ENOX1: variants seen among roughly 807,000 people sequenced by gnomAD.
ENOX1 encodes ecto-NOX disulfide-thiol exchanger 1.
A neutral mutation model predicts 82.5 loss-of-function variants in ENOX1; 42 were observed. The observed-to-expected ratio is 0.51, with a 90% CI of 0.40 to 0.66. The LOEUF (loss-of-function observed/expected upper bound fraction) is 0.66, where lower values mean the gene tolerates loss of function less well. ENOX1 is among the 30% of genes least tolerant of loss of function. The probability of loss-of-function intolerance (pLI) is 0.00; values close to 1 mark genes in which losing one functional copy is unlikely to be tolerated. For synonymous variants in ENOX1, 271 were observed against 282.2 expected (o/e 0.96, Z 0.40); for missense variants, 608 against 811.6 (o/e 0.75, Z 3.05).
chr13:43,630,860 T>TATATATATACACAC (rs34023929), intron 2 of ENOX1, among the ~76,000 whole-genome samples: 82 of 147,792 alleles, frequency 5.5e-4, no homozygotes, highest in South Asian at 2.8e-3. Context: ...TATATATATA[T>TATATATATACACAC]ACACACACAC....
At position 43,324,181 on chromosome 13, in the gene ENOX1, T is replaced by C. The variant is rs928037439; in HGVS notation, c.1144-1680A>G. ...TTTTAGGCTGTGGACAGCTAATTTT[T>C]CTACTGACAAAGAGCCCAATTCCCA... On this transcript the variant is annotated intron_variant, in intron 10 of 16. Transcript: ENST00000690772. 3.3e-5 allele frequency among the ~76,000 whole-genome samples: 5 copies of C among 152,356 alleles called. No homozygotes were observed. The East Asian group carries it at 7.7e-4, about 23-fold the overall frequency.
At chr13:43,516,946 C>G (rs1438711244) in intron 2 of ENOX1, among the ~76,000 whole-genome samples, 1 of 152,104 alleles carries the variant, frequency 6.6e-6, no homozygotes, top group Non-Finnish European at 1.5e-5. Context: ...AGTTTTCTGT[C>G]ACATCAAAGA....
At chr13:43,749,851 G>A (rs765416938) in intron 1 of ENOX1, among the ~76,000 whole-genome samples, 7 of 152,100 alleles carry the variant, frequency 4.6e-5, no homozygotes, top group East Asian at 1.9e-4. Flanking sequence ...TTTTACTTAT[G>A]AGCTTTAAGA....
At chr13:43,541,173 G>GTTTTGTTTTTTTTTTTTTT (rs2078697163) in intron 2 of ENOX1, among the ~76,000 whole-genome samples, 1 of 64,574 alleles carries the variant, frequency 1.5e-5, no homozygotes, top group Non-Finnish European at 3.2e-5. Context: ...TCTTCCCTCT[G>GTTTTGTTTTTTTTTTTTTT]TTTTTTTTTT....
At chr13:43,462,179 A>C (rs1302162748) in intron 3 of ENOX1, among the ~76,000 whole-genome samples, 2 of 152,224 alleles carry the variant, frequency 1.3e-5, no homozygotes, top group African/African-American at 4.8e-5. Flanking sequence ...TCATGTAAAA[A>C]GTACATGTTA....
At chr13:43,486,656 C>T (rs1426755634) in intron 2 of ENOX1, among the ~76,000 whole-genome samples, 1 of 152,066 alleles carries the variant, frequency 6.6e-6, no homozygotes, top group Admixed American at 6.6e-5. Flanking sequence ...AAGGTGGTAC[C>T]AGTAGGTGTT....
chr13:43,454,756 C>G (rs2153633316), intron 3 of ENOX1, among the ~76,000 whole-genome samples: 1 of 151,854 alleles, frequency 6.6e-6, no homozygotes, highest in East Asian at 1.9e-4. Flanking sequence ...CTGGTGTTGT[C>G]TTTTATTTTG....
rs1215019461 is a variant in ENOX1 at position 43,330,280 on chromosome 13, T to C, written c.1037-3755A>G. Among the ~76,000 whole-genome samples, 5 of 152,186 alleles carry C rather than the reference T, an allele frequency of 3.3e-5. No homozygotes were observed. The South Asian group carries it at 8.3e-4, about 25-fold the overall frequency. On this transcript the variant is annotated intron_variant, in intron 9 of 16. Transcript: ENST00000690772. Reference sequence around the variant, plus strand: ...GTTCAAAGCAAGTAGCTTATAGAAGTTGTGCTGCAGGCAGAACAAATTGAG... The same window carrying C: ...GTTCAAAGCAAGTAGCTTATAGAAGCTGTGCTGCAGGCAGAACAAATTGAG...
intron 2 of ENOX1, among the ~76,000 whole-genome samples, chr13:43,606,631 T>C (rs1030592710): frequency 1.3e-5 from 2 of 152,068 alleles, no homozygotes; most frequent in African/African-American, 4.8e-5. Context: ...AGTAGAACAA[T>C]GATCACCAGA....
chr13:43,711,773 T>C (rs1381854677), intron 1 of ENOX1, among the ~76,000 whole-genome samples: 3 of 151,496 alleles, frequency 2.0e-5, no homozygotes, highest in African/African-American at 7.3e-5. Flanking sequence ...GGGTTGTTTG[T>C]TTTTTTCTTG....
At chr13:43,602,141 G>C (rs2081751802) in intron 2 of ENOX1, among the ~76,000 whole-genome samples, 1 of 151,906 alleles carries the variant, frequency 6.6e-6, no homozygotes, top group Admixed American at 6.6e-5. Context: ...GTAAGCATAA[G>C]AGCAAAGAAA....
At position 43,441,306 on chromosome 13, in the gene ENOX1, C is replaced by T. The variant is rs2056343269; in HGVS notation, c.-74-28318G>A. On this transcript the variant is annotated intron_variant, in intron 3 of 16. Coordinates refer to ENST00000690772, the MANE Select transcript of ENOX1 (RefSeq NM_001347969.2). The stretch of plus-strand genomic sequence containing the variant: ...AAAATTCCTTATTAACTAATGACTC[C>T]AGTTAACTGATTGAAATTACATTCT... Among the ~76,000 whole-genome samples, 3 of 152,264 alleles carry T rather than the reference C, an allele frequency of 2.0e-5. No individual in the cohort carries two copies. In the South Asian group the frequency reaches 6.2e-4, roughly 32 times the overall value.
At chr13:43,467,515 T>TTTTAAAA (rs1274166487) in intron 3 of ENOX1, among the ~76,000 whole-genome samples, 7 of 123,390 alleles carry the variant, frequency 5.7e-5, no homozygotes, top group Non-Finnish European at 9.3e-5. Flanking sequence ...TATTTTAAAA[T>TTTTAAAA]TTTAAAATTT....
At chr13:43,553,548 T>C (rs1258040180) in intron 2 of ENOX1, among the ~76,000 whole-genome samples, 1 of 152,212 alleles carries the variant, frequency 6.6e-6, no homozygotes, top group Admixed American at 6.5e-5. Flanking sequence ...TTTGCTTTGG[T>C]TTCTGGTTTT....
intron 1 of ENOX1, among the ~76,000 whole-genome samples, chr13:43,728,367 G>GA (rs2089120238): frequency 6.6e-6 from 1 of 152,146 alleles, no homozygotes; most frequent in African/African-American, 2.4e-5. Context: ...TTTGAGGGGA[G>GA]AAAAAACCAT....
intron 1 of ENOX1, among the ~76,000 whole-genome samples, chr13:43,694,134 A>T (rs1345975157): frequency 3.3e-5 from 5 of 152,168 alleles, no homozygotes; most frequent in Admixed American, 3.3e-4. Context: ...GTCAAGAAAC[A>T]TTTGAAAAAT....
chr13:43,645,329 T>C (rs762529354), intron 2 of ENOX1, among the ~76,000 whole-genome samples: 5 of 149,246 alleles, frequency 3.4e-5, no homozygotes, highest in African/African-American at 5.0e-5. Flanking sequence ...GTCCAGTTAA[T>C]TTTTTTTTTA....
rs9590764 is a variant in ENOX1 at position 43,461,719 on chromosome 13, G to A, written c.-75+22290C>T. Among the ~76,000 whole-genome samples, 639 of 152,244 alleles carry A rather than the reference G, an allele frequency of 4.2e-3. 9 individuals are homozygous for A. Among genetic ancestry groups the A allele is most frequent in the African/African-American group, 0.014 (595 of 41,534 alleles). On this transcript the variant is annotated intron_variant, in intron 3 of 16. Coordinates refer to ENST00000690772, the MANE Select transcript of ENOX1 (RefSeq NM_001347969.2). ...GCCATAAATAAAAACTACAAAAAGG[G>A]AGAAAAGCAGTTTGAGAATGAGTAG... is the stretch of plus-strand genomic sequence containing the variant.
At chr13:43,370,812 A>G (rs1476161638) in intron 5 of ENOX1, among the ~76,000 whole-genome samples, 2 of 152,028 alleles carry the variant, frequency 1.3e-5, no homozygotes, top group Admixed American at 1.3e-4. Flanking sequence ...TTTTGTTCCC[A>G]TTGCTAATTT....
Sources: allele counts gnomAD v4.1 joint callset (sites outside exome capture counted in the v4.1 genomes callset), GRCh38; gene constraint gnomAD v4.1.1; transcripts MANE v1.5; gene names NCBI Gene and HGNC (gene_info 2026-07-23, HGNC 2026-07-21).